The following GLYATL1B variants were observed in gnomAD, a reference collection of about 807,000 sequenced individuals.
GLYATL1B encodes glycine-N-acyltransferase like 1B, also known as putative glycine N-acyltransferase-like protein 1B.
Under a neutral mutation model 5.5 loss-of-function variants are expected in GLYATL1B, and 6 were observed. That is an observed-to-expected ratio of 1.09 (90% confidence interval 0.60 to 2.15). The LOEUF is 2.15. GLYATL1B is among the 30% of genes most tolerant of loss of function. The pLI, the probability that GLYATL1B is intolerant of heterozygous loss-of-function variation, is 0.00. For missense variants in GLYATL1B, 135 were observed against 94.1 expected, an observed-to-expected ratio of 1.43 and a Z score of -1.80; for synonymous variants, 67 against 34.9, an observed-to-expected ratio of 1.92 and a Z score of -3.24.
rs1182238427 is a variant in GLYATL1B, at chr11:59,093,497, G to A, written c.187-32G>A. ...GTGAGAGGAGAAGAAAAAGTTCAAG[G>A]GAATGATCTGACCTTTCACCATCCT... On this transcript the variant is annotated intron_variant, in intron 2 of 4. Coordinates refer to ENST00000527482, the MANE Select transcript of GLYATL1B (RefSeq NM_001355566.1). The A allele has an allele frequency of 6.3e-6, 3 of 475,870 alleles. No homozygotes were observed. The Admixed American group carries it at 9.5e-5, about 15-fold the overall frequency. The allele number at this position is 475,870 out of a possible 1,614,324, so 29.5% of individuals were successfully genotyped here. A position where few individuals can be genotyped will look rare whatever the true frequency, so the allele number is the denominator to read the frequency against.
chr11:59,086,957 T>A (rs57665146), intron 1 of GLYATL1B, 107 bp from the exon 2 acceptor site: 7,241 of 443,880 alleles, frequency 0.016, 446 homozygotes, highest in African/African-American at 0.13. Flanking sequence ...ATCACTGACT[T>A]GGTCCCAGTA....
chr11:59,093,278 G>C (rs552863593), intron 2 of GLYATL1B, among the ~76,000 whole-genome samples: 2 of 152,300 alleles, frequency 1.3e-5, no homozygotes, highest in East Asian at 3.9e-4. Context: ...TCCTGTCTTT[G>C]TTATGTATCT....
chr11:59,092,244 T>C (rs577015831), intron 2 of GLYATL1B, among the ~76,000 whole-genome samples: 1 of 152,206 alleles, frequency 6.6e-6, no homozygotes, highest in Non-Finnish European at 1.5e-5. Context: ...TTCTGCTCTT[T>C]CTTTTTGCCA....
chr11:59,088,254 A>G (rs1433739846), intron 2 of GLYATL1B, among the ~76,000 whole-genome samples: 2 of 152,220 alleles, frequency 1.3e-5, no homozygotes, highest in African/African-American at 4.8e-5. Context: ...ATTTACCATA[A>G]TTAGCCATTA....
intron 2 of GLYATL1B, among the ~76,000 whole-genome samples, chr11:59,089,667 A>C (rs1336580294): frequency 6.6e-6 from 1 of 152,066 alleles, no homozygotes; most frequent in Non-Finnish European, 1.5e-5. Flanking sequence ...TTGTTTGACC[A>C]TTTTTACACT....
intron 2 of GLYATL1B, among the ~76,000 whole-genome samples, chr11:59,092,803 TA>T (rs967383811): frequency 6.6e-6 from 1 of 152,216 alleles, no homozygotes; most frequent in African/African-American, 2.4e-5. Flanking sequence ...CTTCTGGCTG[TA>T]AAGGCCATGT....
At chr11:59,092,561 C>A (rs1430835080) in intron 2 of GLYATL1B, among the ~76,000 whole-genome samples, 2 of 152,150 alleles carry the variant, frequency 1.3e-5, no homozygotes, top group African/African-American at 4.8e-5. Flanking sequence ...ACACTATTTT[C>A]TCTTTTACTC....
At chr11:59,089,041 T>C (rs1859252131) in intron 2 of GLYATL1B, among the ~76,000 whole-genome samples, 1 of 152,170 alleles carries the variant, frequency 6.6e-6, no homozygotes, top group African/African-American at 2.4e-5. Context: ...TTTGCCCTCC[T>C]CTCCTCCATT....
intron 2 of GLYATL1B, among the ~76,000 whole-genome samples, chr11:59,091,345 A>G (rs1859305610): frequency 6.6e-6 from 1 of 152,134 alleles, no homozygotes; most frequent in African/African-American, 2.4e-5. Flanking sequence ...TTAGTTTGTA[A>G]TTTCAACTTT....
chr11:59,087,363 G>C (rs1859211774), intron 2 of GLYATL1B, among the ~76,000 whole-genome samples, 192 bp downstream of exon 2: 3 of 151,980 alleles, frequency 2.0e-5, no homozygotes, highest in Admixed American at 6.6e-5. Flanking sequence ...AGACTCATTA[G>C]GGAAAGGGGG....
chr11:59,094,417 G>A lies in GLYATL1B; in HGVS notation c.540G>A (p.Gly180=), dbSNP rs1859386512. ...KYAQLNVSYS[G]LVNDNWKLGM... is the part of the protein sequence containing the mutation. ...CCCAGCTGAATGTGTCTTATTCTGG[G>A]CTGGTAAATGACAACTGGAAGCTAG... Residue 180 remains glycine (G), a synonymous_variant, in exon 5 of 5, where the codon GGG becomes GGA. Transcript: ENST00000527482. The A allele has an allele frequency of 7.6e-6, 5 of 654,166 alleles. No individual in the cohort carries two copies. The highest frequency in any genetic ancestry group is 2.3e-5 in the Admixed American group (1 of 43,150). 40.5% of individuals were successfully genotyped at this position (654,166 alleles called of 1,614,324 possible). A position where few individuals can be genotyped will look rare whatever the true frequency, so the allele number is the denominator to read the frequency against.
rs1468114937 is a variant in GLYATL1B, at chr11:59,090,252, CTATTTCTTA to C, written c.186+3084_186+3092del. 2.6e-5 allele frequency among the ~76,000 whole-genome samples: 4 copies of C among 151,906 alleles called. No individual in the cohort carries two copies. The East Asian group carries it at 7.7e-4, about 29-fold the overall frequency. On this transcript the variant is annotated intron_variant, in intron 2 of 4. Coordinates refer to ENST00000527482, the MANE Select transcript of GLYATL1B (RefSeq NM_001355566.1). The stretch of plus-strand genomic sequence containing the variant: ...CTTCACTAATCTTTTTCTTGCTTTC[CTATTTCTTA>C]TAAACTTCAGAGCTATATGAACAAA...
chr11:59,093,717 G>A (rs1178194997), intron 3 of GLYATL1B, 62 bp downstream of exon 3: 2 of 436,750 alleles, frequency 4.6e-6, no homozygotes, highest in Non-Finnish European at 8.2e-6. Flanking sequence ...TCAACTAACA[G>A]CATTAGCATC....
At chr11:59,092,980 C>A (rs1590874242) in intron 2 of GLYATL1B, among the ~76,000 whole-genome samples, 1 of 152,196 alleles carries the variant, frequency 6.6e-6, no homozygotes, top group Non-Finnish European at 1.5e-5. Context: ...TTAGAGAAAT[C>A]ATGGTTAAAT....
intron 2 of GLYATL1B, among the ~76,000 whole-genome samples, chr11:59,090,011 T>C (rs1859274448): frequency 6.6e-6 from 1 of 152,108 alleles, no homozygotes; most frequent in African/African-American, 2.4e-5. Context: ...TTGAATAGCA[T>C]GAATTAACAT....
Position 59,094,456 on chromosome 11 carries a change from G to A in GLYATL1B, c.579G>A (p.Arg193=). 1.4e-6 allele frequency: 1 copy of A among 710,594 alleles called. No individual in the cohort carries two copies. The allele number at this position is 710,594 out of a possible 1,614,324, so 44.0% of individuals were successfully genotyped here. Residue 193 remains arginine (R), a synonymous_variant, in exon 5 of 5, where the codon AGG becomes AGA. Coordinates refer to ENST00000527482, the MANE Select transcript of GLYATL1B (RefSeq NM_001355566.1). ...NDNWKLGMNK[R]SLRYIKRCLG... ...ACTGGAAGCTAGGGATGAATAAGAG[G>A]AGCCTGCGTTACATCAAGCGCTGCC... is the stretch of plus-strand genomic sequence containing the variant.
At position 59,092,697 on chromosome 11, in the gene GLYATL1B, A is replaced by T. The variant is rs370256237; in HGVS notation, c.187-832A>T. On this transcript the variant is annotated intron_variant, in intron 2 of 4. Coordinates refer to ENST00000527482, the MANE Select transcript of GLYATL1B (RefSeq NM_001355566.1). ...GAAGTTTGTGGCTTGTGAGAATGAG[A>T]TCACAAGTATCTTTCTTTAAAACCC... Among the ~76,000 whole-genome samples, 244 of 152,346 alleles carry T rather than the reference A, an allele frequency of 1.6e-3. 5 individuals carry two copies. The South Asian group carries it at 0.046, about 29-fold the overall frequency.
chr11:59,093,272 G>C (rs1424323361), intron 2 of GLYATL1B, among the ~76,000 whole-genome samples: 5 of 152,174 alleles, frequency 3.3e-5, no homozygotes, highest in Non-Finnish European at 7.3e-5. Flanking sequence ...ATTTCATCCT[G>C]TCTTTGTTAT....
intron 2 of GLYATL1B, among the ~76,000 whole-genome samples, chr11:59,091,459 T>C (rs575555625): frequency 3.3e-5 from 5 of 152,166 alleles, no homozygotes; most frequent in Non-Finnish European, 7.4e-5. Context: ...GTAGTGAGCA[T>C]AGTACCCGAT....
Sources: allele counts gnomAD v4.1 joint callset (sites outside exome capture counted in the v4.1 genomes callset), GRCh38; gene constraint gnomAD v4.1.1; transcripts MANE v1.5; gene names NCBI Gene and HGNC (gene_info 2026-07-23, HGNC 2026-07-21).